LRRTM4: variants seen among roughly 807,000 people sequenced by gnomAD.
LRRTM4 encodes leucine rich repeat transmembrane neuronal 4.
In LRRTM4, 25 loss-of-function variants were observed where a neutral mutation model predicts 47.6. The observed-to-expected ratio is 0.53, with a 90% CI of 0.38 to 0.73. The LOEUF (loss-of-function observed/expected upper bound fraction) is 0.73. Ranked by LOEUF, LRRTM4 falls within the 30% of genes least tolerant of loss-of-function variation. The pLI is 0.00. For synonymous variants in LRRTM4, 311 were observed against 269.5 expected (o/e 1.15, Z -1.51); for missense variants, 638 against 713.4 (o/e 0.89, Z 1.20).
chr2:77,350,320 A>G (rs1441304000), intron 3 of LRRTM4, among the ~76,000 whole-genome samples: 4 of 130,330 alleles, frequency 3.1e-5, no homozygotes, highest in Non-Finnish European at 1.6e-5. Context: ...GCGACAGAGC[A>G]AGACTCCGTC....
At chr2:77,487,593 C>T (rs1034467458) in intron 3 of LRRTM4, among the ~76,000 whole-genome samples, 3 of 152,146 alleles carry the variant, frequency 2.0e-5, no homozygotes, top group Non-Finnish European at 4.4e-5. Context: ...GGGTTGATGG[C>T]AGCAGGAGGC....
At chr2:77,423,671 C>T (rs1674991327) in intron 3 of LRRTM4, among the ~76,000 whole-genome samples, 1 of 152,194 alleles carries the variant, frequency 6.6e-6, no homozygotes, top group South Asian at 2.1e-4. Context: ...AAAGCATTAT[C>T]TTTCTATGCA....
intron 3 of LRRTM4, among the ~76,000 whole-genome samples, chr2:77,256,485 G>T (rs1321941187): frequency 6.6e-6 from 1 of 152,104 alleles, no homozygotes; most frequent in Non-Finnish European, 1.5e-5. Context: ...GAGGGACCCA[G>T]TGGGAGGTAA....
At chr2:77,329,635 T>C (rs1670898060) in intron 3 of LRRTM4, among the ~76,000 whole-genome samples, 1 of 152,010 alleles carries the variant, frequency 6.6e-6, no homozygotes, top group Non-Finnish European at 1.5e-5. Context: ...GGACTGAAGG[T>C]GCTCAGGTTA....
intron 3 of LRRTM4, among the ~76,000 whole-genome samples, chr2:77,209,039 A>G (rs1047611428): frequency 3.3e-5 from 5 of 151,870 alleles, no homozygotes; most frequent in African/African-American, 1.2e-4. Flanking sequence ...CTCCCTTTCT[A>G]TTGTCTAAAC....
At chr2:77,145,642 C>T (rs1032914154) in intron 3 of LRRTM4, among the ~76,000 whole-genome samples, 7 of 151,266 alleles carry the variant, frequency 4.6e-5, no homozygotes, top group African/African-American at 7.3e-5. Context: ...GGCATGGTGG[C>T]GGGCACCTGT....
At chr2:77,086,049 G>A (rs1373651891) in intron 3 of LRRTM4, among the ~76,000 whole-genome samples, 2 of 152,116 alleles carry the variant, frequency 1.3e-5, no homozygotes, top group Non-Finnish European at 2.9e-5. Context: ...AATATCCTAT[G>A]AAAGATGGCC....
intron 3 of LRRTM4, among the ~76,000 whole-genome samples, chr2:76,883,474 T>A (rs1207187562): frequency 6.6e-6 from 1 of 152,184 alleles, no homozygotes; most frequent in East Asian, 1.9e-4. Flanking sequence ...TTTCTCGATT[T>A]TGTAGCCAGA....
At chr2:77,344,541 C>T (rs1428517120) in intron 3 of LRRTM4, among the ~76,000 whole-genome samples, 1 of 151,618 alleles carries the variant, frequency 6.6e-6, no homozygotes, top group African/African-American at 2.4e-5. Flanking sequence ...ACATATCAAG[C>T]CTTACGAACC....
chr2:77,063,723 G>C (rs947930180), intron 3 of LRRTM4, among the ~76,000 whole-genome samples: 2 of 152,100 alleles, frequency 1.3e-5, no homozygotes, highest in African/African-American at 4.8e-5. Flanking sequence ...AAATTGAGCA[G>C]AGGTTGGAAA....
intron 3 of LRRTM4, among the ~76,000 whole-genome samples, chr2:76,889,647 C>T (rs995645070): frequency 6.6e-6 from 1 of 151,884 alleles, no homozygotes; most frequent in African/African-American, 2.4e-5. Flanking sequence ...ACTGATGATC[C>T]AATTAGCAAG....
chr2:76,932,798 T>C (rs572421963), intron 3 of LRRTM4, among the ~76,000 whole-genome samples: 1 of 151,506 alleles, frequency 6.6e-6, no homozygotes, highest in Non-Finnish European at 1.5e-5. Flanking sequence ...AAATACTTAC[T>C]CTAAAGAAAT....
chr2:76,798,795 A>G (rs10189425), intron 3 of LRRTM4, among the ~76,000 whole-genome samples: 16,818 of 151,544 alleles, frequency 0.11, 1,063 homozygotes, highest in Non-Finnish European at 0.14. Flanking sequence ...CAGAAATACA[A>G]ACTACCATCA....
chr2:76,922,579 T>C (rs569592515), intron 3 of LRRTM4, among the ~76,000 whole-genome samples: 1 of 152,100 alleles, frequency 6.6e-6, no homozygotes, highest in African/African-American at 2.4e-5. Context: ...AAAATTTGAA[T>C]TCATAGAAGC....
Position 76,871,355 on chromosome 2 carries a change from C to T in LRRTM4, c.1552-122439G>A, listed in dbSNP as rs1336662115. On this transcript the variant is annotated intron_variant, in intron 3 of 3. Coordinates refer to ENST00000409884, the MANE Select transcript of LRRTM4 (RefSeq NM_001134745.3). ...AGCATAAATGGAGTTGAGGATTTGA[C>T]CATCATTGCCTAGTAGTTAGCAGAG... Among the ~76,000 whole-genome samples, 3 of 152,062 alleles carry T rather than the reference C, an allele frequency of 2.0e-5. No individual in the cohort carries two copies. The East Asian group carries it at 5.8e-4, about 29-fold the overall frequency.
At chr2:77,023,110 C>T (rs1241247590) in intron 3 of LRRTM4, among the ~76,000 whole-genome samples, 1 of 152,234 alleles carries the variant, frequency 6.6e-6, no homozygotes, top group Non-Finnish European at 1.5e-5. Flanking sequence ...TACCTGCAGG[C>T]TCAACACCAT....
intron 3 of LRRTM4, among the ~76,000 whole-genome samples, chr2:77,379,624 C>T (rs552678749): frequency 3.2e-4 from 48 of 152,066 alleles, no homozygotes; most frequent in South Asian, 8.3e-4. Flanking sequence ...TAAATATATT[C>T]TCTATTGGGT....
intron 3 of LRRTM4, among the ~76,000 whole-genome samples, chr2:76,751,870 C>T (rs1052234727): frequency 5.3e-5 from 8 of 152,118 alleles, no homozygotes; most frequent in Non-Finnish European, 8.8e-5. Context: ...ACAGCCCATT[C>T]GTACTCTCTT....
chr2:77,154,977 C>T (rs1193409872), intron 3 of LRRTM4, among the ~76,000 whole-genome samples: 1 of 152,084 alleles, frequency 6.6e-6, no homozygotes, highest in African/African-American at 2.4e-5. Flanking sequence ...TTTGTACCGG[C>T]CCTTGCACTA....
Sources: gnomAD v4.1 joint callset for allele counts (sites outside exome capture counted in the v4.1 genomes callset) on GRCh38, gnomAD v4.1.1 for gene constraint, MANE v1.5 for transcripts, NCBI Gene and HGNC (gene_info 2026-07-23, HGNC 2026-07-21) for gene names.